CDH7: variants seen among roughly 807,000 people sequenced by gnomAD.
CDH7 encodes the protein cadherin 7.
Under a neutral mutation model 71.8 loss-of-function variants are expected in CDH7, and 25 were observed. The observed-to-expected ratio is 0.35, with a 90% CI of 0.25 to 0.49. The LOEUF (loss-of-function observed/expected upper bound fraction) is 0.49, where lower values mean the gene tolerates loss of function less well. Ranked by LOEUF, CDH7 falls within the 20% of genes least tolerant of loss-of-function variation. The pLI is 0.99. For missense variants in CDH7, 862 were observed against 974.6 expected, an observed-to-expected ratio of 0.88 and a Z score of 1.54; for synonymous variants, 381 against 363.8, an observed-to-expected ratio of 1.05 and a Z score of -0.54.
intron 4 of CDH7, among the ~76,000 whole-genome samples, chr18:65,818,594 C>T (rs1373880211): frequency 6.6e-6 from 1 of 152,080 alleles, no homozygotes; most frequent in Admixed American, 6.6e-5. Flanking sequence ...ACAGAATAAG[C>T]TAATATTGGT....
At position 65,888,654 on chromosome 18, in the gene CDH7, T is replaced by C. The variant is rs368417068; in HGVS notation, c.*7760T>C. 145 of 152,274 alleles carry C rather than the reference T, an allele frequency of 9.5e-4. 1 individual carries two copies. The highest frequency in any genetic ancestry group is 3.4e-3 in the Middle Eastern group (1 of 294). The allele number at this position is 152,274 out of a possible 1,614,324, so 9.4% of individuals were successfully genotyped here. A position where few individuals can be genotyped will look rare whatever the true frequency, so the allele number is the denominator to read the frequency against. ...TCTAACATATACATGGTTTCAATTT[T>C]CTTATAAGTCTGTGAATCACTCAAG... On this transcript the variant is annotated 3_prime_UTR_variant, in exon 12 of 12. Transcript: ENST00000397968.
At chr18:65,782,106 C>CT (rs1568182497) in intron 2 of CDH7, among the ~76,000 whole-genome samples, 1 of 59,418 alleles carries the variant, frequency 1.7e-5, no homozygotes, top group Non-Finnish European at 2.7e-5. Context: ...TTCCTTCCTT[C>CT]CTTCTTTCTT....
intron 2 of CDH7, among the ~76,000 whole-genome samples, chr18:65,765,943 C>T (rs949321004): frequency 1.3e-5 from 2 of 152,014 alleles, no homozygotes; most frequent in Non-Finnish European, 2.9e-5. Context: ...GACCTACATT[C>T]AATTACTCTG....
rs1198645526 is a variant in CDH7 at position 65,827,643 on chromosome 18, T to G, written c.981+2812T>G. Among the ~76,000 whole-genome samples, 3 of 152,040 alleles carry G rather than the reference T, an allele frequency of 2.0e-5. No homozygotes were observed. The East Asian group carries it at 5.8e-4, about 29-fold the overall frequency. ...TACTCTTAAAGGGGATTGCGCAAACTTGCTTTCAGTTTTCTAATGTGCAAA... is the reference window on the plus strand; with the variant it reads ...TACTCTTAAAGGGGATTGCGCAAACGTGCTTTCAGTTTTCTAATGTGCAAA... On this transcript the variant is annotated intron_variant, in intron 6 of 11. Transcript: ENST00000397968.
intron 2 of CDH7, among the ~76,000 whole-genome samples, chr18:65,804,001 T>C (rs1310625157): frequency 6.6e-6 from 1 of 152,140 alleles, no homozygotes; most frequent in Non-Finnish European, 1.5e-5. Flanking sequence ...AAAACTTTAA[T>C]ACAAAGCTGC....
intron 2 of CDH7, among the ~76,000 whole-genome samples, chr18:65,780,862 G>A (rs1416408790): frequency 2.0e-5 from 3 of 149,748 alleles, no homozygotes; most frequent in Non-Finnish European, 4.4e-5. Flanking sequence ...TGCAGAGATA[G>A]AATTCCTCCT....
At chr18:65,876,466 G>A (rs999966640) in intron 11 of CDH7, among the ~76,000 whole-genome samples, 9 of 152,104 alleles carry the variant, frequency 5.9e-5, no homozygotes, top group East Asian at 3.9e-4. Context: ...GGCCTGACTC[G>A]TGCCTACAGC....
At chr18:65,758,110 A>G (rs993876734) in intron 1 of CDH7, among the ~76,000 whole-genome samples, 4 of 152,224 alleles carry the variant, frequency 2.6e-5, no homozygotes, top group Non-Finnish European at 2.9e-5. Context: ...ATCTTTCTAC[A>G]TGTTGATATT....
At chr18:65,818,035 T>G (rs1055462434) in intron 4 of CDH7, among the ~76,000 whole-genome samples, 1 of 152,102 alleles carries the variant, frequency 6.6e-6, no homozygotes, top group Non-Finnish European at 1.5e-5. Flanking sequence ...CAATCTGTAT[T>G]CATCTCTAAA....
At chr18:65,805,854 A>T (rs1236693227) in intron 2 of CDH7, among the ~76,000 whole-genome samples, 1 of 152,282 alleles carries the variant, frequency 6.6e-6, no homozygotes, top group East Asian at 1.9e-4. Flanking sequence ...ATAATTTAAT[A>T]TATGTTTTAG....
intron 6 of CDH7, among the ~76,000 whole-genome samples, chr18:65,826,331 CT>C (rs2143947319): frequency 6.6e-6 from 1 of 150,974 alleles, no homozygotes. Flanking sequence ...AACTTAAAGG[CT>C]TTATTTTATT....
chr18:65,835,275 G>C (rs1912494232), intron 6 of CDH7, among the ~76,000 whole-genome samples: 1 of 152,112 alleles, frequency 6.6e-6, no homozygotes, highest in South Asian at 2.1e-4. Flanking sequence ...AGGTAGTGAA[G>C]GGAAAAAAGC....
intron 2 of CDH7, among the ~76,000 whole-genome samples, chr18:65,796,703 C>T (rs17075212): frequency 0.019 from 2,887 of 152,118 alleles, 92 homozygotes; most frequent in African/African-American, 0.065. Flanking sequence ...CACGAGACCC[C>T]GAATCCCATG....
At chr18:65,776,133 G>A (rs1376827446) in intron 2 of CDH7, among the ~76,000 whole-genome samples, 1 of 152,074 alleles carries the variant, frequency 6.6e-6, no homozygotes, top group African/African-American at 2.4e-5. Flanking sequence ...TTATTGAAGA[G>A]TGATACATGT....
intron 2 of CDH7, among the ~76,000 whole-genome samples, chr18:65,779,211 CT>C (rs1307472715): frequency 2.2e-5 from 3 of 133,732 alleles, no homozygotes; most frequent in Admixed American, 1.6e-4. Flanking sequence ...ATTTAGAAAT[CT>C]TTCATACAGA....
rs180824098 is a variant in CDH7 at position 65,803,304 on chromosome 18, T to C, written c.211-6400T>C. 4 of 152,310 alleles carry C rather than the reference T, an allele frequency of 2.6e-5. No individual in the cohort carries two copies. In the East Asian group the frequency reaches 7.7e-4, roughly 29 times the overall value. The allele number at this position is 152,310 out of a possible 1,614,324, so 9.4% of individuals were successfully genotyped here. On this transcript the variant is annotated intron_variant, in intron 2 of 11. Coordinates refer to ENST00000397968, the MANE Select transcript of CDH7 (RefSeq NM_004361.5). Reference sequence around the variant, plus strand: ...GCTGTTTCTCACAAGTGAATTACTGTGAACTTTTTCTGAGAATAAAAACAA... The same window carrying C: ...GCTGTTTCTCACAAGTGAATTACTGCGAACTTTTTCTGAGAATAAAAACAA...
chr18:65,756,520 C>T (rs1916034141), intron 1 of CDH7, among the ~76,000 whole-genome samples: 1 of 152,108 alleles, frequency 6.6e-6, no homozygotes, highest in African/African-American at 2.4e-5. Flanking sequence ...TCAGCATTAC[C>T]AATTGATAAT....
chr18:65,850,630 A>G (rs543274164), intron 7 of CDH7, among the ~76,000 whole-genome samples: 1 of 151,052 alleles, frequency 6.6e-6, no homozygotes, highest in South Asian at 2.1e-4. Context: ...ATATCTTGAT[A>G]TATGTGGCCG....
chr18:65,781,461 A>G (rs909815841), intron 2 of CDH7, among the ~76,000 whole-genome samples: 2 of 152,172 alleles, frequency 1.3e-5, no homozygotes, highest in African/African-American at 4.8e-5. Context: ...GCAAGCATAC[A>G]TAACCTAACT....
Sources: gnomAD v4.1 joint callset for allele counts (sites outside exome capture counted in the v4.1 genomes callset) on GRCh38, gnomAD v4.1.1 for gene constraint, MANE v1.5 for transcripts, NCBI Gene and HGNC (gene_info 2026-07-23, HGNC 2026-07-21) for gene names.